STAB2: variants seen among roughly 807,000 people sequenced by gnomAD.
STAB2 encodes the protein stabilin 2, also known as stabilin-2.
A neutral mutation model predicts 338.1 loss-of-function variants in STAB2; 288 were observed. The observed-to-expected ratio is 0.85, with a 90% CI of 0.77 to 0.94. The LOEUF (loss-of-function observed/expected upper bound fraction) is 0.94. STAB2 is among the 40% of genes least tolerant of loss of function. STAB2 has a pLI of 0.00. For synonymous variants in STAB2, 1,202 were observed against 1,193.3 expected, an observed-to-expected ratio of 1.01 and a Z score of -0.15; for missense variants, 3,141 against 3,210.1, an observed-to-expected ratio of 0.98 and a Z score of 0.52.
Position 103,733,157 on chromosome 12 carries a change from A to G in STAB2, c.5435A>G (p.Lys1812Arg). The change falls in exon 51 of 69, where the codon AAG becomes AGG. Residue 1812 changes from lysine (K) to arginine (R), a missense_variant. Transcript: ENST00000388887. ...AAGGACAAGCTGAAGGAGTATTTGAAGTTTCATGTGATACGAGATGCCAAG... is the reference window on the plus strand; with the variant it reads ...AAGGACAAGCTGAAGGAGTATTTGAGGTTTCATGTGATACGAGATGCCAAG... The part of the protein sequence containing the change: ...DNKDKLKEYL[K>R]FHVIRDAKVL... 6.2e-7 allele frequency: 1 copy of G among 1,614,124 alleles called. No individual in the cohort carries two copies. Among genetic ancestry groups the G allele is most frequent in the South Asian group, 1.1e-5 (1 of 91,078 alleles).
At chr12:103,623,557 A>G (rs560170438) in intron 5 of STAB2, among the ~76,000 whole-genome samples, 2 of 152,306 alleles carry the variant, frequency 1.3e-5, no homozygotes, top group South Asian at 4.1e-4. Flanking sequence ...AGGAAGAGCC[A>G]TGAGCCAAGG....
chr12:103,693,037 C>T (rs956685307), intron 31 of STAB2, 148 bp downstream of exon 31: 1 of 557,566 alleles, frequency 1.8e-6, no homozygotes, highest in Non-Finnish European at 3.1e-6. Flanking sequence ...TATTTTAAAA[C>T]CATCAAGAGA....
At chr12:103,764,472 AG>A (rs761070282) in intron 68 of STAB2, among the ~76,000 whole-genome samples, 2 of 152,192 alleles carry the variant, frequency 1.3e-5, no homozygotes, top group Non-Finnish European at 2.9e-5. Context: ...ACATCAATCC[AG>A]GGGGACCCCT....
chr12:103,752,358 C>T (rs181971578), intron 60 of STAB2, among the ~76,000 whole-genome samples: 8 of 152,264 alleles, frequency 5.3e-5, no homozygotes, highest in African/African-American at 4.8e-5. Flanking sequence ...ATTTGACTTA[C>T]GCACTGTGCT....
chr12:103,662,606 AC>A lies in STAB2; in HGVS notation c.1870-238del, dbSNP rs201575140. On this transcript the variant is annotated intron_variant, in intron 17 of 68. Coordinates refer to ENST00000388887, the MANE Select transcript of STAB2 (RefSeq NM_017564.10). ...AATTATAATTTGTACTTAGCCCTGC[AC>A]CTGCAAGAACCATTTCTACAAGGGC... 9.6e-4 allele frequency among the ~76,000 whole-genome samples: 146 copies of A among 152,374 alleles called. 4 individuals carry two copies. The East Asian group carries it at 0.026, about 27-fold the overall frequency.
chr12:103,760,388 G>C (rs748807092), intron 65 of STAB2, among the ~76,000 whole-genome samples: 1 of 152,132 alleles, frequency 6.6e-6, no homozygotes, highest in Non-Finnish European at 1.5e-5. Flanking sequence ...AGCCTCCCGC[G>C]TAGCTGGGAC....
chr12:103,603,260 C>T (rs7958707), intron 3 of STAB2, among the ~76,000 whole-genome samples: 48,845 of 151,808 alleles, frequency 0.32, 10,019 homozygotes, highest in African/African-American at 0.58. Context: ...TTAGTAGAGA[C>T]GGGGTTTCAT....
intron 30 of STAB2, among the ~76,000 whole-genome samples, 188 bp from the exon 31 acceptor site, chr12:103,692,624 T>C (rs703650): frequency 0.64 from 97,480 of 151,846 alleles, 31,428 homozygotes; most frequent in East Asian, 0.81. Context: ...CGTGTGCACG[T>C]GCACGTGTGT....
intron 8 of STAB2, 41 bp downstream of exon 8, chr12:103,638,253 G>GA (rs750469923): frequency 2.0e-6 from 3 of 1,527,098 alleles, no homozygotes; most frequent in Admixed American, 2.0e-5. Flanking sequence ...CTAGAAGTTT[G>GA]ACAAGCCACT....
chr12:103,685,445 T>TGTGTGTGTGTGTGC (rs1277070669), intron 27 of STAB2, among the ~76,000 whole-genome samples: 3 of 145,742 alleles, frequency 2.1e-5, no homozygotes, highest in African/African-American at 8.1e-5. Context: ...TGTGTGTGTG[T>TGTGTGTGTGTGTGC]GTGTGTGTGC....
intron 3 of STAB2, among the ~76,000 whole-genome samples, chr12:103,604,320 GTTTTC>G (rs1362226913): frequency 6.6e-6 from 1 of 152,006 alleles, no homozygotes; most frequent in Non-Finnish European, 1.5e-5. Flanking sequence ...TTGGTGTATA[GTTTTC>G]TTTTCTTGTT....
Position 103,703,284 on chromosome 12 carries a change from C to A in STAB2, c.3843+8C>A. 2 of 1,610,962 alleles carry A rather than the reference C, an allele frequency of 1.2e-6. No homozygotes were observed. Among genetic ancestry groups the A allele is most frequent in the East Asian group, 2.2e-5 (1 of 44,868 alleles). ...GACACTACTATTATACGAGTAAGTTCTATGGGCCAGAGCCAGTGATGGAAC... is the reference window on the plus strand; with the variant it reads ...GACACTACTATTATACGAGTAAGTTATATGGGCCAGAGCCAGTGATGGAAC... On this transcript the variant is annotated splice_region_variant and intron_variant, in intron 35 of 68. Transcript: ENST00000388887.
rs1335942372 is a variant in STAB2, at chr12:103,759,285, T to A, written c.7248+12T>A. 1 of 1,611,828 alleles carries A rather than the reference T, an allele frequency of 6.2e-7. No individual in the cohort carries two copies. Among genetic ancestry groups the A allele is most frequent in the East Asian group, 2.2e-5 (1 of 44,822 alleles). On this transcript the variant is annotated intron_variant, in intron 65 of 68. Coordinates refer to ENST00000388887, the MANE Select transcript of STAB2 (RefSeq NM_017564.10). ...ACCCACTCCAACCGGTACAAAGTCT[T>A]CTGGGCTTCTTGGGGGAACGGGAGA...
At position 103,660,325 on chromosome 12, in the gene STAB2, T is replaced by C. The variant is rs1874500916; in HGVS notation, c.1735-6T>C. The C allele has an allele frequency of 6.2e-7, 1 of 1,614,046 alleles. No homozygotes were observed. Among genetic ancestry groups the C allele is most frequent in the Non-Finnish European group, 8.5e-7 (1 of 1,180,008 alleles). On this transcript the variant is annotated splice_polypyrimidine_tract_variant and splice_region_variant and intron_variant, in intron 15 of 68. Transcript: ENST00000388887. The stretch of plus-strand genomic sequence containing the variant: ...TTGACTAAAGAAGTATTTGGTTCCT[T>C]TGCAGGGATCTCGGAAGCTTCTGGA...
At chr12:103,666,188 G>T in intron 18 of STAB2, 103 bp from the exon 19 acceptor site, 1 of 1,133,762 alleles carries the variant, frequency 8.8e-7, no homozygotes, top group East Asian at 2.4e-5. Context: ...TGGCTCAGTG[G>T]GGTTTCCTTC....
intron 44 of STAB2, among the ~76,000 whole-genome samples, chr12:103,719,190 T>G (rs1482528576): frequency 6.6e-6 from 1 of 152,068 alleles, no homozygotes; most frequent in Admixed American, 6.5e-5. Flanking sequence ...TCCGGAGCAG[T>G]TTGTGTGGTC....
chr12:103,695,406 T>C (rs905450763), intron 31 of STAB2, 144 bp from the exon 32 acceptor site: 51 of 692,438 alleles, frequency 7.4e-5, no homozygotes, highest in Non-Finnish European at 1.1e-4. Context: ...AATATTTTTA[T>C]ACTGTGAGTA....
At position 103,740,639 on chromosome 12, in the gene STAB2, C is replaced by T. The variant is rs1322420550; in HGVS notation, c.5764C>T (p.Gln1922Ter). The T allele has an allele frequency of 6.2e-7, 1 of 1,611,842 alleles. No homozygotes were observed. The highest frequency in any genetic ancestry group is 1.1e-5 in the South Asian group (1 of 90,548). ...CACTCTCTTCCCTTAGGGTGTGAAG[C>T]AGAAGTGTCTCTACAACCTGCCCTT... ...PRWSKPKGVK[Q>*]KCLYNLPFKR... Residue 1922 changes from glutamine (Q) to a stop codon, truncating the protein, a stop_gained, in exon 55 of 69, where the codon CAG (glutamine) becomes TAG (stop). Transcript: ENST00000388887. LOFTEE classifies it high-confidence loss of function.
chr12:103,661,353 C>A (rs143606630), intron 17 of STAB2, among the ~76,000 whole-genome samples: 1 of 152,140 alleles, frequency 6.6e-6, no homozygotes, highest in Non-Finnish European at 1.5e-5. Context: ...AACAAACATC[C>A]AGCAGCACAG....
Sources: allele counts gnomAD v4.1 joint callset (sites outside exome capture counted in the v4.1 genomes callset), GRCh38; gene constraint gnomAD v4.1.1; transcripts MANE v1.5; gene names NCBI Gene and HGNC (gene_info 2026-07-23, HGNC 2026-07-21).